RUVBL2: variants seen among roughly 807,000 people sequenced by gnomAD.
The protein encoded by RUVBL2 is ruvB-like 2.
Under a neutral mutation model 57.9 loss-of-function variants are expected in RUVBL2, and 9 were observed. The ratio of observed to expected loss-of-function variants is 0.16; its 90% CI spans 0.09 to 0.27. The LOEUF (loss-of-function observed/expected upper bound fraction) is 0.27. Among genes scored for constraint, RUVBL2 ranks in the 10% least tolerant of loss-of-function variants. RUVBL2 has a pLI of 1.00. For synonymous variants in RUVBL2, 278 were observed against 264.6 expected (o/e 1.05, Z -0.49); for missense variants, 456 against 669.6 (o/e 0.68, Z 3.52).
intron 4 of RUVBL2, among the ~76,000 whole-genome samples, chr19:49,006,116 G>A (rs2039277526): frequency 6.6e-6 from 1 of 152,250 alleles, no homozygotes; most frequent in Admixed American, 6.5e-5. Context: ...GTCCCCAGAT[G>A]GCATGGGCCG....
Position 48,993,935 on chromosome 19 carries a change from T to C in RUVBL2, c.12+12T>C, listed in dbSNP as rs1454280625. On this transcript the variant is annotated intron_variant, in intron 1 of 14. Transcript: ENST00000595090. ...TCATGGCAACCGTTGTAAGTGTGGG[T>C]GCATGGAGGGTGAGGAGCGAGCTAG... The C allele has an allele frequency of 5.6e-6, 9 of 1,613,428 alleles. No homozygotes were observed. Among genetic ancestry groups the C allele is most frequent in the Non-Finnish European group, 7.6e-6 (9 of 1,179,858 alleles).
intron 8 of RUVBL2, 153 bp from the exon 9 acceptor site, chr19:49,010,335 C>T: frequency 3.8e-6 from 3 of 792,672 alleles, no homozygotes; most frequent in South Asian, 3.4e-5. Context: ...GTCCTGACTA[C>T]CTCCTGGGCC....
At position 49,011,422 on chromosome 19, in the gene RUVBL2, T is replaced by C; in HGVS notation, c.1001+112T>C. The C allele has an allele frequency of 2.5e-6, 2 of 814,284 alleles. No individual in the cohort carries two copies. Among genetic ancestry groups the C allele is most frequent in the Non-Finnish European group, 4.1e-6 (2 of 490,890 alleles). 50.4% of individuals were successfully genotyped at this position (814,284 alleles called of 1,614,324 possible). On this transcript the variant is annotated intron_variant, in intron 11 of 14. Coordinates refer to ENST00000595090, the MANE Select transcript of RUVBL2 (RefSeq NM_006666.3). The surrounding 1 kb of genome is among the most constrained non-coding windows in gnomAD (Gnocchi z 4.4). The stretch of plus-strand genomic sequence containing the variant: ...ACCGGGTCAGGGAGGGACGCGTGAC[T>C]GCAGTGTGCGCTCTTTGCTTACAAA...
In RUVBL2 at chr19:49,009,587, G is replaced by A. The variant is rs187821341; in HGVS notation, c.463-189G>A. ...CGTTGGGACATACATGTTCAGCCGC[G>A]GAGCCATCACCGCGTCAGGCTGGTG... On this transcript the variant is annotated intron_variant, in intron 6 of 14. Coordinates refer to ENST00000595090, the MANE Select transcript of RUVBL2 (RefSeq NM_006666.3). Among the ~76,000 whole-genome samples the A allele has an allele frequency of 4.5e-3, 688 of 152,306 alleles. 9 individuals are homozygous for A. The highest frequency in any genetic ancestry group is 0.015 in the African/African-American group (641 of 41,548).
At chr19:49,012,533 G>A (rs138775410) in intron 11 of RUVBL2, among the ~76,000 whole-genome samples, 1 of 152,270 alleles carries the variant, frequency 6.6e-6, no homozygotes, top group East Asian at 1.9e-4. Context: ...CAGCAGCTAC[G>A]GGCAGCCCTG....
intron 11 of RUVBL2, among the ~76,000 whole-genome samples, chr19:49,013,289 G>A (rs1435797068): frequency 7.0e-6 from 1 of 142,566 alleles, no homozygotes; most frequent in Non-Finnish European, 1.5e-5. Context: ...TTGTAGAGAT[G>A]GTGTTTTGCC....
At position 49,015,003 on chromosome 19, in the gene RUVBL2, G is replaced by T; in HGVS notation, c.1122-18G>T. 3 of 1,585,290 alleles carry T rather than the reference G, an allele frequency of 1.9e-6. No individual in the cohort carries two copies. Among genetic ancestry groups the T allele is most frequent in the Non-Finnish European group, 2.6e-6 (3 of 1,166,882 alleles). On this transcript the variant is annotated intron_variant, in intron 12 of 14. Transcript: ENST00000595090. ...GCTGGGCCCCGGCTGAGCCACCCCT[G>T]TCCCCCACTGCTTGCAGGTGCGAGG...
intron 1 of RUVBL2, among the ~76,000 whole-genome samples, chr19:48,995,935 C>T (rs1256224901): frequency 6.7e-6 from 1 of 149,344 alleles, no homozygotes; most frequent in East Asian, 2.0e-4. Flanking sequence ...TGCAGTGAGC[C>T]GAGATCGCGC....
chr19:49,008,668 A>T (rs1219042116), intron 6 of RUVBL2, among the ~76,000 whole-genome samples: 2 of 151,966 alleles, frequency 1.3e-5, no homozygotes, highest in Non-Finnish European at 1.5e-5. Context: ...AACATGGTGA[A>T]ACCCTGTCTA....
rs201529731 is a variant in RUVBL2 at position 49,011,062 on chromosome 19, G to A, written c.851G>A (p.Arg284His). 5.6e-6 allele frequency: 9 copies of A among 1,613,404 alleles called. No homozygotes were observed. The highest frequency in any genetic ancestry group is 2.2e-5 in the East Asian group (1 of 44,872). The change falls in exon 10 of 15, where the codon CGC (arginine) becomes CAC (histidine). Residue 284 changes from arginine (R) to histidine (H), a missense_variant. Arg to His is a conservative substitution (Grantham distance 29). This residue lies in a region of RUVBL2 where 130 missense variants were observed against 243.0 expected (regional missense o/e 0.53). Transcript: ENST00000595090. The surrounding 1 kb of genome is among the most constrained non-coding windows in gnomAD (Gnocchi z 4.4). Reference protein sequence around the residue: ...EQINAKVAEWREEGKAEIIPG... With the variant: ...EQINAKVAEWHEEGKAEIIPG... ...ATCAATGCCAAGGTGGCTGAGTGGC[G>A]CGAGGAGGGCAAGGCGGAGATCATC...
At chr19:49,015,778 T>C in intron 14 of RUVBL2, 39 bp from the exon 15 acceptor site, 5 of 1,613,902 alleles carry the variant, frequency 3.1e-6, no homozygotes, top group Non-Finnish European at 4.2e-6. Context: ...CCCTGCCACC[T>C]GGGCGACACT....
chr19:49,015,306 C>A, intron 13 of RUVBL2, 156 bp downstream of exon 13: 4 of 1,010,448 alleles, frequency 4.0e-6, no homozygotes, highest in African/African-American at 1.6e-5. Context: ...TCCAGCCTGG[C>A]CTATAGTAGG....
At chr19:48,995,846 G>C (rs2039045985) in intron 1 of RUVBL2, among the ~76,000 whole-genome samples, 1 of 151,914 alleles carries the variant, frequency 6.6e-6, no homozygotes, top group Admixed American at 6.6e-5. Flanking sequence ...AATTAGCCGG[G>C]CGTGGTGGCA....
chr19:49,006,372 C>T (rs971541095), intron 4 of RUVBL2, among the ~76,000 whole-genome samples: 7 of 152,216 alleles, frequency 4.6e-5, no homozygotes, highest in East Asian at 1.9e-4. Flanking sequence ...CCCAGGCCAC[C>T]GGCGGTAGAG....
chr19:48,996,263 C>G (rs1181052667), intron 1 of RUVBL2, among the ~76,000 whole-genome samples: 1 of 152,054 alleles, frequency 6.6e-6, no homozygotes, highest in Non-Finnish European at 1.5e-5. Context: ...TGAACTATTC[C>G]AAAGTGTCAG....
rs2039292134 is a variant in RUVBL2, at chr19:49,006,930, G to A, written c.266-88G>A. ...GATGGCACTGAACCCTCTTTCCTGGGGTGGGAGAAAAGCTAGTTTGCCACA... is the reference window on the plus strand; with the variant it reads ...GATGGCACTGAACCCTCTTTCCTGGAGTGGGAGAAAAGCTAGTTTGCCACA... On this transcript the variant is annotated intron_variant, in intron 4 of 14. Coordinates refer to ENST00000595090, the MANE Select transcript of RUVBL2 (RefSeq NM_006666.3). 2.6e-6 allele frequency: 4 copies of A among 1,542,888 alleles called. No homozygotes were observed. In the Admixed American group the frequency reaches 7.0e-5, roughly 27 times the overall value.
At chr19:48,995,948 C>G (rs1314707326) in intron 1 of RUVBL2, among the ~76,000 whole-genome samples, 6 of 149,636 alleles carry the variant, frequency 4.0e-5, no homozygotes, top group Admixed American at 4.0e-4. Flanking sequence ...GATCGCGCCA[C>G]TGCACTCCAG....
rs368906878 is a variant in RUVBL2, at chr19:49,015,139, C to T, written c.1240C>T (p.Arg414Trp). Residue 414 changes from arginine to tryptophan, a missense_variant, in exon 13 of 15, where the codon CGG becomes TGG. Physicochemically the swap from Arg to Trp is moderately radical, Grantham distance 101 (BLOSUM62 -3). Around this residue, in one of 5 missense-constraint regions of RUVBL2, gnomAD observed 67 missense variants for 71.5 expected, o/e 0.94. Transcript: ENST00000595090. Reference protein sequence around the residue: ...QLITAASLVCRKRKGTEVQVD... With the variant: ...QLITAASLVCWKRKGTEVQVD... ...CATCACAGCTGCCAGCTTGGTGTGC[C>T]GGAAACGCAAGGTCAGCCGGCCGAA... is the stretch of plus-strand genomic sequence containing the variant. 9.9e-6 allele frequency: 16 copies of T among 1,608,212 alleles called. No individual in the cohort carries two copies. The highest frequency in any genetic ancestry group is 4.0e-5 in the African/African-American group (3 of 74,760).
intron 12 of RUVBL2, 134 bp from the exon 13 acceptor site, chr19:49,014,887 C>A: frequency 2.3e-6 from 3 of 1,309,460 alleles, no homozygotes; most frequent in Non-Finnish European, 3.1e-6. Context: ...CTTCTAGCCT[C>A]AGCATTCTAT....
Sources: gnomAD v4.1 joint callset for allele counts (sites outside exome capture counted in the v4.1 genomes callset) on GRCh38, gnomAD v4.1.1 for gene constraint, gnomAD v4.1.1 regional missense constraint, Gnocchi (gnomAD v3.1) non-coding constraint, MANE v1.5 for transcripts, NCBI Gene and HGNC (gene_info 2026-07-23, HGNC 2026-07-21) for gene names.